KLHL36: variants seen among roughly 807,000 people sequenced by gnomAD.
KLHL36 encodes kelch like family member 36.
A neutral mutation model predicts 53.3 loss-of-function variants in KLHL36; 35 were observed. That is an observed-to-expected ratio of 0.66 (90% confidence interval 0.50 to 0.87). KLHL36 has a LOEUF of 0.87. Among genes scored for constraint, KLHL36 ranks in the 40% least tolerant of loss-of-function variants. KLHL36 has a pLI of 0.00. For synonymous variants in KLHL36, 472 were observed against 398.9 expected (o/e 1.18, Z -2.18); for missense variants, 864 against 897.6 (o/e 0.96, Z 0.48).
At chr16:84,651,395 G>A (rs905594227) in intron 2 of KLHL36, among the ~76,000 whole-genome samples, 1 of 152,132 alleles carries the variant, frequency 6.6e-6, no homozygotes, top group Non-Finnish European at 1.5e-5. Flanking sequence ...CGACCTAAGA[G>A]CAAGTGAGGG....
intron 2 of KLHL36, among the ~76,000 whole-genome samples, chr16:84,655,422 T>A (rs982971392): frequency 2.6e-5 from 4 of 152,156 alleles, no homozygotes; most frequent in African/African-American, 9.7e-5. Context: ...CTGCAAATTA[T>A]AAAAATCAGA....
In KLHL36 at chr16:84,662,608, C is replaced by A. The variant is rs74838822; in HGVS notation, c.*475C>A. 0.022 allele frequency: 3,431 copies of A among 154,390 alleles called. 51 individuals are homozygous for A. Among genetic ancestry groups the A allele is most frequent in the African/African-American group, 0.037 (1,534 of 41,602 alleles). 9.6% of individuals were successfully genotyped at this position (154,390 alleles called of 1,614,324 possible). On this transcript the variant is annotated 3_prime_UTR_variant, in exon 5 of 5. Transcript: ENST00000564996. ...ACCAGGAACGGGGAGGAGGTGGTGC[C>A]CAGAAGCTGTATTTTAACTAGTTCT...
chr16:84,659,645 C>G (rs979538499), intron 3 of KLHL36, 115 bp from the exon 4 acceptor site: 8 of 1,120,300 alleles, frequency 7.1e-6, no homozygotes, highest in Admixed American at 2.1e-5. Context: ...AGTTCCCTTT[C>G]CCAAACATTC....
Position 84,657,833 on chromosome 16 carries a change from G to A in KLHL36, c.1026G>A (p.Val342=). 6.2e-7 allele frequency: 1 copy of A among 1,601,290 alleles called. No homozygotes were observed. The highest frequency in any genetic ancestry group is 1.1e-5 in the South Asian group (1 of 90,476). ...PARRSHHCVA[V]LGGFIFIAGG... ...GGCGGAGCCACCACTGTGTCGCGGT[G>A]CTGGGGGGCTTCATCTTCATCGCCG... The change falls in exon 3 of 5, where the codon GTG becomes GTA. Residue 342 remains valine, a synonymous_variant. Coordinates refer to ENST00000564996, the MANE Select transcript of KLHL36 (RefSeq NM_024731.4).
chr16:84,657,362 G>A lies in KLHL36; in HGVS notation c.555G>A (p.Leu185=). The A allele has an allele frequency of 6.2e-7, 1 of 1,611,584 alleles. No individual in the cohort carries two copies. Among genetic ancestry groups the A allele is most frequent in the African/African-American group, 1.3e-5 (1 of 75,054 alleles). ...CGCTGTCCTTTACGCCCGACTTCCT[G>A]CAGAACGTCTCCATGCAGAAGCTGT... ...FGTLSFTPDF[L]QNVSMQKLCV... Residue 185 remains leucine (L), a synonymous_variant, in exon 3 of 5, where the codon CTG becomes CTA. Transcript: ENST00000564996.
Position 84,657,880 on chromosome 16 carries a change from A to G in KLHL36, c.1073A>G (p.Asn358Ser), listed in dbSNP as rs778413315. The change falls in exon 3 of 5, where the codon AAC becomes AGC. Residue 358 changes from asparagine (N) to serine (S), a missense_variant. Coordinates refer to ENST00000564996, the MANE Select transcript of KLHL36 (RefSeq NM_024731.4). ...GCCGGCGGCAGCTTCTCACGGGACAACGGAGGGGATGCGGCCTCCAATCTT... is the reference window on the plus strand; with the variant it reads ...GCCGGCGGCAGCTTCTCACGGGACAGCGGAGGGGATGCGGCCTCCAATCTT... ...FIAGGSFSRD[N>S]GGDAASNLLY... The G allele has an allele frequency of 8.9e-6, 14 of 1,574,836 alleles. No individual in the cohort carries two copies. The highest frequency in any genetic ancestry group is 1.4e-5 in the African/African-American group (1 of 73,512).
In KLHL36 at chr16:84,648,532, G is replaced by C. The variant is rs961104472; in HGVS notation, c.-134G>C. On this transcript the variant is annotated 5_prime_UTR_variant, in exon 1 of 5. Coordinates refer to ENST00000564996, the MANE Select transcript of KLHL36 (RefSeq NM_024731.4). This position sits in a 1 kb window ranked among gnomAD's most constrained non-coding sequence, Gnocchi z 4.9. The stretch of plus-strand genomic sequence containing the variant: ...CGCCCTCGGCCTCGCACTTCCTGGC[G>C]GAGCCATGGCTGCGCAGCGGGCTGG... 21 of 147,250 alleles carry C rather than the reference G, an allele frequency of 1.4e-4. No individual in the cohort carries two copies. The highest frequency in any genetic ancestry group is 4.9e-4 in the African/African-American group (20 of 40,722). The allele number at this position is 147,250 out of a possible 1,614,324, so 9.1% of individuals were successfully genotyped here.
At position 84,658,061 on chromosome 16, in the gene KLHL36, G is replaced by T. The variant is rs141573248; in HGVS notation, c.1137+117G>T. 740 of 800,810 alleles carry T rather than the reference G, an allele frequency of 9.2e-4. 5 individuals are homozygous for T. In the African/African-American group the frequency reaches 0.012, roughly 13 times the overall value. The allele number at this position is 800,810 out of a possible 1,614,324, so 49.6% of individuals were successfully genotyped here. ...GACAACTATCCTGCTTCTGAATGAG[G>T]TGTGATGATAAAGTGACGAGCAGAA... On this transcript the variant is annotated intron_variant, in intron 3 of 4. Coordinates refer to ENST00000564996, the MANE Select transcript of KLHL36 (RefSeq NM_024731.4).
intron 4 of KLHL36, 31 bp downstream of exon 4, chr16:84,659,948 A>C (rs1907451062): frequency 6.3e-7 from 1 of 1,591,058 alleles, no homozygotes; most frequent in Non-Finnish European, 8.6e-7. Context: ...AGGTTCTCCA[A>C]ATGGGATGTT....
At chr16:84,650,560 A>G (rs1723270176) in intron 1 of KLHL36, among the ~76,000 whole-genome samples, 1 of 152,206 alleles carries the variant, frequency 6.6e-6, no homozygotes, top group African/African-American at 2.4e-5. Context: ...ATAACTTATC[A>G]TTATAACCTT....
chr16:84,658,063 G>T (rs1907328420), intron 3 of KLHL36, 119 bp downstream of exon 3: 2 of 796,540 alleles, frequency 2.5e-6, no homozygotes, highest in Non-Finnish European at 3.9e-6. Flanking sequence ...TGAATGAGGT[G>T]TGATGATAAA....
At position 84,648,560 on chromosome 16, in the gene KLHL36, G is replaced by C. The variant is rs1212400976; in HGVS notation, c.-106G>C. 1.4e-5 allele frequency: 2 copies of C among 147,350 alleles called. No individual in the cohort carries two copies. The highest frequency in any genetic ancestry group is 3.0e-5 in the Non-Finnish European group (2 of 65,934). 9.1% of individuals were successfully genotyped at this position (147,350 alleles called of 1,614,324 possible). ...GCCATGGCTGCGCAGCGGGCTGGCC[G>C]GGGGTCTCCTGAACCCGGGCCCCGC... On this transcript the variant is annotated 5_prime_UTR_variant, in exon 1 of 5. Transcript: ENST00000564996. This position sits in a 1 kb window ranked among gnomAD's most constrained non-coding sequence, Gnocchi z 4.9.
At chr16:84,652,452 G>T (rs375625417) in intron 2 of KLHL36, among the ~76,000 whole-genome samples, 2 of 152,074 alleles carry the variant, frequency 1.3e-5, no homozygotes, top group Admixed American at 1.3e-4. Context: ...TGTATTTTTA[G>T]TAGAGACGGG....
intron 2 of KLHL36, among the ~76,000 whole-genome samples, chr16:84,655,659 G>C (rs747331733): frequency 6.7e-6 from 1 of 148,438 alleles, no homozygotes; most frequent in Non-Finnish European, 1.5e-5. Flanking sequence ...AGCCGAGATT[G>C]TGCCACTGCA....
At position 84,657,282 on chromosome 16, in the gene KLHL36, A is replaced by G; in HGVS notation, c.475A>G (p.Ser159Gly). 1 of 1,614,116 alleles carries G rather than the reference A, an allele frequency of 6.2e-7. No individual in the cohort carries two copies. Among genetic ancestry groups the G allele is most frequent in the Non-Finnish European group, 8.5e-7 (1 of 1,180,034 alleles). ...CCTGCAGGAGCTGGCCTCCATCTAC[A>G]GCCTCAAGCGGCTTGATGCCTTCAT... is the stretch of plus-strand genomic sequence containing the variant. The part of the protein sequence containing the change: ...LYLQELASIY[S>G]LKRLDAFIDG... The change falls in exon 3 of 5, where the codon AGC (serine) becomes GGC (glycine). Residue 159 changes from serine (S) to glycine (G), a missense_variant. Physicochemically the swap from Ser to Gly is moderately conservative, Grantham distance 56. Transcript: ENST00000564996.
chr16:84,650,892 C>T lies in KLHL36; in HGVS notation c.25C>T (p.Arg9Ter). The T allele has an allele frequency of 1.9e-6, 3 of 1,611,654 alleles. No individual in the cohort carries two copies. The highest frequency in any genetic ancestry group is 1.7e-6 in the Non-Finnish European group (2 of 1,179,432). Residue 9 changes from arginine (R) to a stop codon, truncating the protein, a stop_gained, in exon 2 of 5, where the codon CGA becomes TGA. Transcript: ENST00000564996. LOFTEE classifies it high-confidence loss of function. ...AATGATGGAGGGAAGCAGGCAGACG[C>T]GAGTGTCTCGGCCATACAAGATCAG... MMEGSRQTRVSRPYKISES... is the reference protein window; with the variant it reads MMEGSRQT
At chr16:84,653,499 C>T (rs192896305) in intron 2 of KLHL36, among the ~76,000 whole-genome samples, 20 of 152,312 alleles carry the variant, frequency 1.3e-4, no homozygotes, top group Admixed American at 1.3e-4. Context: ...CAGTGGCTCA[C>T]GCCTGGAATC....
chr16:84,651,040 A>T, intron 2 of KLHL36, 110 bp downstream of exon 2: 1 of 863,692 alleles, frequency 1.2e-6, no homozygotes, highest in Non-Finnish European at 1.8e-6. Context: ...TGGTGTTGTC[A>T]GTCTCCTTAA....
intron 2 of KLHL36, among the ~76,000 whole-genome samples, chr16:84,654,316 C>CA (rs1204262928): frequency 2.0e-5 from 3 of 152,214 alleles, no homozygotes; most frequent in Non-Finnish European, 2.9e-5. Flanking sequence ...GAGGGGCCTC[C>CA]AGTCAATGTC....
Sources: allele counts gnomAD v4.1 joint callset (sites outside exome capture counted in the v4.1 genomes callset), GRCh38; gene constraint gnomAD v4.1.1; non-coding constraint Gnocchi (gnomAD v3.1); transcripts MANE v1.5; gene names NCBI Gene and HGNC (gene_info 2026-07-23, HGNC 2026-07-21).